Variants in TANC2 observed in about 807,000 individuals in gnomAD.
TANC2 encodes protein TANC2.
Under a neutral mutation model 210.5 loss-of-function variants are expected in TANC2, and 26 were observed. The observed-to-expected ratio is 0.12, with a 90% CI of 0.09 to 0.17. TANC2 has a LOEUF of 0.17. Ranked by LOEUF, TANC2 falls within the 10% of genes least tolerant of loss-of-function variation. The pLI is 1.00. For synonymous variants in TANC2, 931 were observed against 967.1 expected (o/e 0.96, Z 0.69); for missense variants, 2,129 against 2,608.9 (o/e 0.82, Z 4.01).
intron 6 of TANC2, among the ~76,000 whole-genome samples, chr17:63,196,166 T>G (rs1437792635): frequency 2.0e-5 from 3 of 152,234 alleles, no homozygotes; most frequent in Non-Finnish European, 4.4e-5. Context: ...GTTGTGGGGT[T>G]GTTTTACCTT....
chr17:63,118,860 G>A (rs1323860710), intron 4 of TANC2, among the ~76,000 whole-genome samples: 1 of 148,310 alleles, frequency 6.7e-6, no homozygotes, highest in African/African-American at 2.5e-5. Flanking sequence ...GCTCACTGCT[G>A]CAAGCTCTGC....
intron 7 of TANC2, among the ~76,000 whole-genome samples, chr17:63,207,285 G>A (rs1049910464): frequency 2.9e-5 from 4 of 139,888 alleles, no homozygotes; most frequent in South Asian, 2.2e-4. Context: ...GCGCAGTCTC[G>A]GCTCACTGCA....
At chr17:63,113,537 C>G (rs1300049287) in intron 4 of TANC2, among the ~76,000 whole-genome samples, 1 of 152,088 alleles carries the variant, frequency 6.6e-6, no homozygotes, top group Non-Finnish European at 1.5e-5. Flanking sequence ...ACACAGAGTC[C>G]TGCTTTGTCA....
intron 7 of TANC2, among the ~76,000 whole-genome samples, chr17:63,210,083 A>G (rs1276310249): frequency 6.6e-6 from 1 of 152,114 alleles, no homozygotes; most frequent in African/African-American, 2.4e-5. Context: ...TGTGCTTGAA[A>G]TTCTCCTCTC....
At chr17:63,025,912 T>C (rs1254390878) in intron 2 of TANC2, among the ~76,000 whole-genome samples, 1 of 152,138 alleles carries the variant, frequency 6.6e-6, no homozygotes, top group Non-Finnish European at 1.5e-5. Context: ...TCCATGATTC[T>C]GTAATATCTG....
chr17:63,253,805 T>TTTTTG (rs2043116815), intron 8 of TANC2, among the ~76,000 whole-genome samples: 1 of 150,646 alleles, frequency 6.6e-6, no homozygotes, highest in Non-Finnish European at 1.5e-5. Context: ...TTTGAGGGTT[T>TTTTTG]TTGTTGTTGT....
chr17:62,997,829 G>A (rs1480579598), intron 1 of TANC2, among the ~76,000 whole-genome samples: 2 of 152,058 alleles, frequency 1.3e-5, no homozygotes, highest in Admixed American at 1.3e-4. Context: ...ATAAGAATAA[G>A]CCAATCCACC....
chr17:63,139,351 G>C (rs1055340685), intron 4 of TANC2, among the ~76,000 whole-genome samples: 1 of 152,162 alleles, frequency 6.6e-6, no homozygotes, highest in South Asian at 2.1e-4. Context: ...GTTTGGCCGG[G>C]TGCAGTGGCT....
chr17:63,330,309 C>T (rs2045794321), intron 11 of TANC2, among the ~76,000 whole-genome samples: 1 of 152,182 alleles, frequency 6.6e-6, no homozygotes, highest in African/African-American at 2.4e-5. Flanking sequence ...CGTGCTGATA[C>T]ACGAGCTGTA....
intron 2 of TANC2, among the ~76,000 whole-genome samples, chr17:63,010,299 T>C (rs988241946): frequency 2.0e-5 from 3 of 152,176 alleles, no homozygotes; most frequent in African/African-American, 7.2e-5. Flanking sequence ...AATTGTGATT[T>C]CTTCTTGACC....
intron 4 of TANC2, among the ~76,000 whole-genome samples, chr17:63,101,014 A>C (rs1263723781): frequency 6.6e-6 from 1 of 152,182 alleles, no homozygotes; most frequent in African/African-American, 2.4e-5. Context: ...GCATTTTTAA[A>C]TTTTGGAAGA....
At chr17:63,361,552 G>A (rs1011192074) in intron 14 of TANC2, among the ~76,000 whole-genome samples, 2 of 152,248 alleles carry the variant, frequency 1.3e-5, no homozygotes. Flanking sequence ...TCTGGACAAG[G>A]GGAATGCGGT....
At chr17:63,032,499 T>TGTAGGA (rs1195268164) in intron 2 of TANC2, among the ~76,000 whole-genome samples, 25 of 152,104 alleles carry the variant, frequency 1.6e-4, no homozygotes, top group African/African-American at 5.3e-4. Flanking sequence ...TAGGAGCTAT[T>TGTAGGA]GCAGCAGCAT....
In TANC2 at chr17:63,176,731, G is replaced by A. The variant is rs558585436; in HGVS notation, c.434-17260G>A. Among the ~76,000 whole-genome samples the A allele has an allele frequency of 7.7e-4, 116 of 150,272 alleles. 1 individual carries two copies. Among genetic ancestry groups the A allele is most frequent in the African/African-American group, 2.8e-3 (112 of 40,726 alleles). ...TGAGGCAGGAGAATGGCCTGAACCC[G>A]GGAGGCGGAGCTTGCAGTGAGCCGA... On this transcript the variant is annotated intron_variant, in intron 5 of 27. Transcript: ENST00000689528.
chr17:63,350,851 A>G (rs1006218436), intron 12 of TANC2, among the ~76,000 whole-genome samples: 9 of 143,456 alleles, frequency 6.3e-5, no homozygotes, highest in Non-Finnish European at 1.4e-4. Context: ...ATATGATACT[A>G]TTCTCTTTAA....
chr17:63,144,886 GTTTTT>G (rs761146040), intron 4 of TANC2, among the ~76,000 whole-genome samples: 1 of 151,390 alleles, frequency 6.6e-6, no homozygotes, highest in Non-Finnish European at 1.5e-5. Context: ...TTTTATTTTT[GTTTTT>G]TTCTTTTCTT....
chr17:63,046,935 G>A (rs1165451584), intron 2 of TANC2, among the ~76,000 whole-genome samples: 1 of 152,108 alleles, frequency 6.6e-6, no homozygotes, highest in Non-Finnish European at 1.5e-5. Flanking sequence ...AACAGAAAGA[G>A]GTTGTGTTTT....
At chr17:63,254,468 C>A (rs1029182644) in intron 8 of TANC2, among the ~76,000 whole-genome samples, 16 of 152,140 alleles carry the variant, frequency 1.1e-4, no homozygotes, top group Admixed American at 9.2e-4. Context: ...CCCTATATTT[C>A]TTTCTCTTGT....
At chr17:63,030,599 G>T (rs1481626948) in intron 2 of TANC2, among the ~76,000 whole-genome samples, 1 of 104,566 alleles carries the variant, frequency 9.6e-6, no homozygotes, top group Non-Finnish European at 1.9e-5. Flanking sequence ...CCCACCCCCC[G>T]ATTCACCTCA....
Sources: gnomAD v4.1 joint callset for allele counts (sites outside exome capture counted in the v4.1 genomes callset) on GRCh38, gnomAD v4.1.1 for gene constraint, MANE v1.5 for transcripts, NCBI Gene and HGNC (gene_info 2026-07-23, HGNC 2026-07-21) for gene names.